Variants in CAMK1D observed in about 807,000 individuals in gnomAD.
The protein encoded by CAMK1D is calcium/calmodulin dependent protein kinase ID.
A neutral mutation model predicts 47.7 loss-of-function variants in CAMK1D; 9 were observed. The ratio of observed to expected loss-of-function variants is 0.19; its 90% CI spans 0.11 to 0.33. The LOEUF is 0.33. Ranked by LOEUF, CAMK1D falls within the 10% of genes least tolerant of loss-of-function variation. The pLI, the probability that CAMK1D is intolerant of heterozygous loss-of-function variation, is 1.00. For missense variants in CAMK1D, 291 were observed against 488.7 expected (o/e 0.60, Z 3.81); for synonymous variants, 184 against 184.9 (o/e 0.99, Z 0.04).
intron 2 of CAMK1D, among the ~76,000 whole-genome samples, chr10:12,556,768 C>G (rs1836774206): frequency 6.6e-6 from 1 of 152,116 alleles, no homozygotes; most frequent in Non-Finnish European, 1.5e-5. Flanking sequence ...ATGAAAGGAG[C>G]AACATGATCA....
intron 1 of CAMK1D, among the ~76,000 whole-genome samples, chr10:12,488,706 G>A (rs1390870873): frequency 6.6e-6 from 1 of 152,132 alleles, no homozygotes; most frequent in African/African-American, 2.4e-5. Flanking sequence ...GGAGGTGATG[G>A]GAGACAGTGA....
chr10:12,448,692 C>A (rs1159216615), intron 1 of CAMK1D, among the ~76,000 whole-genome samples: 1 of 152,184 alleles, frequency 6.6e-6, no homozygotes, highest in Non-Finnish European at 1.5e-5. Flanking sequence ...GCCTCTGTGG[C>A]AGATTTTATT....
intron 1 of CAMK1D, among the ~76,000 whole-genome samples, chr10:12,490,591 G>A (rs553508073): frequency 3.9e-5 from 6 of 152,362 alleles, no homozygotes; most frequent in Admixed American, 2.6e-4. Flanking sequence ...GCTCACGCCT[G>A]TAATCCCAGC....
chr10:12,412,246 G>A (rs969289076), intron 1 of CAMK1D, among the ~76,000 whole-genome samples: 1 of 152,082 alleles, frequency 6.6e-6, no homozygotes, highest in African/African-American at 2.4e-5. Context: ...TAGAGGGGAA[G>A]CTGTCCCCTG....
At chr10:12,478,400 C>G (rs1240457525) in intron 1 of CAMK1D, among the ~76,000 whole-genome samples, 1 of 152,138 alleles carries the variant, frequency 6.6e-6, no homozygotes, top group Non-Finnish European at 1.5e-5. Flanking sequence ...CTCGTGGACT[C>G]AAGCAATTCT....
Position 12,349,619 on chromosome 10 carries a change from G to T in CAMK1D, c.-200G>T. On this transcript the variant is annotated 5_prime_UTR_variant, in exon 1 of 11. Transcript: ENST00000619168. ...CGGCGGCGGCAGGAAGTCTGTGCCCGAGAACAGCAGAAATAAGAGCCAGGG... is the reference window on the plus strand; with the variant it reads ...CGGCGGCGGCAGGAAGTCTGTGCCCTAGAACAGCAGAAATAAGAGCCAGGG... The T allele has an allele frequency of 6.4e-6, 1 of 157,438 alleles. No individual in the cohort carries two copies. Among genetic ancestry groups the T allele is most frequent in the South Asian group, 1.8e-4 (1 of 5,412 alleles). 9.8% of individuals were successfully genotyped at this position (157,438 alleles called of 1,614,324 possible).
intron 3 of CAMK1D, among the ~76,000 whole-genome samples, chr10:12,707,293 A>G (rs1242065127): frequency 6.6e-6 from 1 of 152,218 alleles, no homozygotes; most frequent in African/African-American, 2.4e-5. Context: ...GCATATCAGA[A>G]GTAGTATTAT....
At chr10:12,403,668 T>C (rs1359313553) in intron 1 of CAMK1D, among the ~76,000 whole-genome samples, 1 of 152,238 alleles carries the variant, frequency 6.6e-6, no homozygotes, top group African/African-American at 2.4e-5. Flanking sequence ...GAAACCTCCC[T>C]GTTAATGCAT....
chr10:12,554,328 G>A (rs1308691521), intron 2 of CAMK1D, among the ~76,000 whole-genome samples: 1 of 130,060 alleles, frequency 7.7e-6, no homozygotes, highest in African/African-American at 2.6e-5. Context: ...GCTAATTTTT[G>A]TATTTTTGTA....
At chr10:12,650,633 G>T (rs1839933818) in intron 2 of CAMK1D, among the ~76,000 whole-genome samples, 1 of 152,114 alleles carries the variant, frequency 6.6e-6, no homozygotes, top group Non-Finnish European at 1.5e-5. Flanking sequence ...GGGCAGTGGG[G>T]ACCATAACAG....
At chr10:12,778,704 C>T (rs1386152618) in intron 5 of CAMK1D, among the ~76,000 whole-genome samples, 8 of 152,110 alleles carry the variant, frequency 5.3e-5, no homozygotes, top group Admixed American at 1.3e-4. Context: ...TAGTAAGACC[C>T]CTGTCTCTCT....
chr10:12,715,763 C>G (rs1249573905), intron 3 of CAMK1D, among the ~76,000 whole-genome samples: 1 of 150,078 alleles, frequency 6.7e-6, no homozygotes, highest in African/African-American at 2.5e-5. Context: ...CTCTCTCGCC[C>G]AGGCTGGAGT....
chr10:12,699,353 G>A (rs1833420503), intron 3 of CAMK1D, among the ~76,000 whole-genome samples: 1 of 152,000 alleles, frequency 6.6e-6, no homozygotes. Flanking sequence ...TGCTCTGATT[G>A]TGCTTTTTCT....
chr10:12,388,408 C>A (rs998475300), intron 1 of CAMK1D, among the ~76,000 whole-genome samples: 1 of 152,180 alleles, frequency 6.6e-6, no homozygotes, highest in African/African-American at 2.4e-5. Flanking sequence ...TTCCCCCAGA[C>A]TCCAGCTTCT....
intron 1 of CAMK1D, among the ~76,000 whole-genome samples, chr10:12,422,565 T>C (rs1840090841): frequency 6.6e-6 from 1 of 151,896 alleles, no homozygotes; most frequent in Non-Finnish European, 1.5e-5. Flanking sequence ...GGCCTAGAGC[T>C]CTCCCCTCCA....
At position 12,513,220 on chromosome 10, in the gene CAMK1D, G is replaced by A. The variant is rs572050334; in HGVS notation, c.93-40005G>A. 1.2e-4 allele frequency among the ~76,000 whole-genome samples: 18 copies of A among 152,278 alleles called. No homozygotes were observed. The East Asian group carries it at 3.1e-3, about 26-fold the overall frequency. On this transcript the variant is annotated intron_variant, in intron 1 of 10. Coordinates refer to ENST00000619168, the MANE Select transcript of CAMK1D (RefSeq NM_153498.4). ...TTCCTGAATGTGCTCCACAAGATGT[G>A]TCAGGATGGGGAGTGAGGACACAGC...
chr10:12,371,355 T>G (rs1838000399), intron 1 of CAMK1D, among the ~76,000 whole-genome samples: 1 of 151,686 alleles, frequency 6.6e-6, no homozygotes, highest in Non-Finnish European at 1.5e-5. Flanking sequence ...GGTGGGTAGA[T>G]CACAAGGTCA....
intron 1 of CAMK1D, among the ~76,000 whole-genome samples, chr10:12,391,565 C>G (rs1838735135): frequency 6.6e-6 from 1 of 152,086 alleles, no homozygotes; most frequent in African/African-American, 2.4e-5. Context: ...TTTCCTGTCA[C>G]TACTTAAACT....
intron 3 of CAMK1D, among the ~76,000 whole-genome samples, chr10:12,717,731 G>GAAAAAA (rs11289567): frequency 2.4e-4 from 29 of 121,184 alleles, no homozygotes; most frequent in African/African-American, 1.0e-3. Context: ...ACAAAAAATT[G>GAAAAAA]AAAAAAAAAA....
Sources: gnomAD v4.1 joint callset for allele counts (sites outside exome capture counted in the v4.1 genomes callset) on GRCh38, gnomAD v4.1.1 for gene constraint, MANE v1.5 for transcripts, NCBI Gene and HGNC (gene_info 2026-07-23, HGNC 2026-07-21) for gene names.